The following CAPS2 variants were observed in gnomAD, a reference collection of about 807,000 sequenced individuals.
CAPS2 encodes calcyphosine 2, also known as calcyphosin-2.
CAPS2 carries 98 observed loss-of-function variants against 86.5 expected under a neutral mutation model. The observed-to-expected ratio is 1.13, with a 90% CI of 0.96 to 1.34. CAPS2 has a LOEUF of 1.34. Ranked by LOEUF, CAPS2 falls within the 40% of genes most tolerant of loss-of-function variation. The pLI, the probability that CAPS2 is intolerant of heterozygous loss-of-function variation, is 0.00. For missense variants in CAPS2, 729 were observed against 686.8 expected (o/e 1.06, Z -0.69); for synonymous variants, 210 against 225.1 (o/e 0.93, Z 0.60).
chr12:75,276,101 GA>G (rs1220377426), downstream of CAPS2: 6 of 1,166,936 alleles, frequency 5.1e-6, no homozygotes, highest in African/African-American at 6.4e-5. Context: ...CTCATGATCA[GA>G]AACGAATACA....
chr12:75,362,021 A>G lies in CAPS2; in HGVS notation c.-395+28817T>C, dbSNP rs140392019. Among the ~76,000 whole-genome samples, 406 of 152,282 alleles carry G rather than the reference A, an allele frequency of 2.7e-3. 2 individuals carry two copies. Among genetic ancestry groups the G allele is most frequent in the African/African-American group, 9.5e-3 (394 of 41,566 alleles). The stretch of plus-strand genomic sequence containing the variant: ...ATTAAAACAATGATATATAAATTTA[A>G]TGTCATTAAAATTAAAAATAACTAC... On this transcript the variant is annotated intron_variant, in intron 1 of 5. Transcript: ENST00000551829.
chr12:75,334,413 C>A, upstream of CAPS2: 1 of 1,054,614 alleles, frequency 9.5e-7, no homozygotes, highest in Non-Finnish European at 1.2e-6. Context: ...ATATTGCAAT[C>A]TGTATTACAA....
intron 9 of CAPS2, among the ~76,000 whole-genome samples, chr12:75,299,250 A>G (rs1439019671): frequency 6.6e-6 from 1 of 152,216 alleles, no homozygotes; most frequent in Non-Finnish European, 1.5e-5. Context: ...GACAATGTGA[A>G]TTATCTTTAA....
chr12:75,328,810 A>G (rs773784090), upstream of CAPS2, among the ~76,000 whole-genome samples: 2 of 152,236 alleles, frequency 1.3e-5, no homozygotes, highest in Admixed American at 1.3e-4. Flanking sequence ...TAGGAACTTA[A>G]CAAATGTTTG....
chr12:75,283,103 A>G (rs982540734), intron 15 of CAPS2, among the ~76,000 whole-genome samples: 2 of 152,214 alleles, frequency 1.3e-5, no homozygotes, highest in East Asian at 1.9e-4. Flanking sequence ...GAAAAAGTGA[A>G]ATACCTTTTA....
intron 1 of CAPS2, chr12:75,361,143 G>A: frequency 6.6e-6 from 1 of 152,140 alleles, no homozygotes. Context: ...GGCTGGGACT[G>A]GGGCTCTTTA....
intron 1 of CAPS2, among the ~76,000 whole-genome samples, chr12:75,340,083 G>A (rs1044718832): frequency 6.6e-6 from 1 of 151,400 alleles, no homozygotes; most frequent in African/African-American, 2.4e-5. Context: ...CCATTATTTT[G>A]TTCCTTTTTA....
intron 1 of CAPS2, chr12:75,370,673 T>G (rs1325092539): frequency 6.6e-6 from 1 of 152,390 alleles, no homozygotes; most frequent in African/African-American, 2.4e-5. Context: ...AACTAAATTT[T>G]CAACCTTTAA....
chr12:75,321,589 A>G lies in CAPS2; in HGVS notation c.292-13T>C. 1 of 1,524,660 alleles carries G rather than the reference A, an allele frequency of 6.6e-7. No homozygotes were observed. Among genetic ancestry groups the G allele is most frequent in the East Asian group, 2.5e-5 (1 of 40,636 alleles). 94.4% of individuals were successfully genotyped at this position (1,524,660 alleles called of 1,614,324 possible). A position where few individuals can be genotyped will look rare whatever the true frequency, so the allele number is the denominator to read the frequency against. ...TTATGTTCTGATCCTATAGGTAAAA[A>G]GAAAAAAGCATGCTATCAGAAAAAA... On this transcript the variant is annotated splice_polypyrimidine_tract_variant and intron_variant, in intron 4 of 16. Coordinates refer to ENST00000393284, the Ensembl canonical transcript of CAPS2.
intron 1 of CAPS2, among the ~76,000 whole-genome samples, chr12:75,367,403 A>G (rs1218486195): frequency 6.6e-6 from 1 of 152,040 alleles, no homozygotes; most frequent in Non-Finnish European, 1.5e-5. Flanking sequence ...TTCCACTTAC[A>G]ATTTTTATTT....
intron 14 of CAPS2, 134 bp from the exon 15 acceptor site, chr12:75,285,214 A>G: frequency 1.2e-6 from 1 of 825,346 alleles, no homozygotes; most frequent in Non-Finnish European, 1.7e-6. Flanking sequence ...AAGAAGCTAC[A>G]TAAAAATCCA....
intron 1 of CAPS2, among the ~76,000 whole-genome samples, chr12:75,337,732 G>A (rs1158019525): frequency 2.6e-5 from 4 of 151,872 alleles, no homozygotes; most frequent in East Asian, 3.8e-4. Flanking sequence ...ATTACATTCC[G>A]TACTATGTGT....
rs745716277 is a variant in CAPS2, at chr12:75,316,461, A to C, written c.469-27T>G. The C allele has an allele frequency of 2.0e-6, 3 of 1,508,256 alleles. No individual in the cohort carries two copies. In the South Asian group the frequency reaches 4.0e-5, roughly 20 times the overall value. The allele number at this position is 1,508,256 out of a possible 1,614,324, so 93.4% of individuals were successfully genotyped here. A position where few individuals can be genotyped will look rare whatever the true frequency, so the allele number is the denominator to read the frequency against. ...TATGCATGAAAGAAATAAATGAAGC[A>C]TCATACACATATTTAGAATGTTTGT... On this transcript the variant is annotated intron_variant, in intron 5 of 16. Transcript: ENST00000393284.
chr12:75,377,702 A>G (rs2044724539), intron 1 of CAPS2, among the ~76,000 whole-genome samples: 1 of 151,974 alleles, frequency 6.6e-6, no homozygotes, highest in Admixed American at 6.6e-5. Flanking sequence ...ACCTACCCAC[A>G]TTGAGGGTGG....
intron 1 of CAPS2, among the ~76,000 whole-genome samples, chr12:75,382,893 C>A (rs541419361): frequency 6.6e-6 from 1 of 152,288 alleles, no homozygotes; most frequent in East Asian, 1.9e-4. Context: ...TTTCCACATT[C>A]CTTGTAAAGA....
At chr12:75,349,735 G>T (rs2042680570) in intron 1 of CAPS2, among the ~76,000 whole-genome samples, 1 of 152,008 alleles carries the variant, frequency 6.6e-6, no homozygotes, top group Admixed American at 6.5e-5. Flanking sequence ...CATAACATTA[G>T]AAATTATCCA....
At chr12:75,307,855 G>T (rs1292850688) in intron 7 of CAPS2, among the ~76,000 whole-genome samples, 2 of 152,098 alleles carry the variant, frequency 1.3e-5, no homozygotes, top group Non-Finnish European at 2.9e-5. Flanking sequence ...ATAATATAAG[G>T]AACATAGGTG....
chr12:75,320,125 G>A (rs952119817), intron 5 of CAPS2, among the ~76,000 whole-genome samples: 2 of 152,072 alleles, frequency 1.3e-5, no homozygotes, highest in Admixed American at 1.3e-4. Context: ...AAGAATTTAT[G>A]TGTATATTGG....
downstream of CAPS2, chr12:75,276,200 G>A: frequency 3.9e-6 from 6 of 1,538,442 alleles, no homozygotes; most frequent in Non-Finnish European, 5.3e-6. Context: ...TTTGTTTTAA[G>A]CGCTTTCTTT....
Sources: allele counts gnomAD v4.1 joint callset (sites outside exome capture counted in the v4.1 genomes callset), GRCh38; gene constraint gnomAD v4.1.1; transcripts MANE v1.5; gene names NCBI Gene and HGNC (gene_info 2026-07-23, HGNC 2026-07-21).